The following CLECL1 variants were observed in gnomAD, a reference collection of about 807,000 sequenced individuals.
CLECL1 encodes C-type lectin-like domain family 1.
At chr12:9,732,970 C>A (rs750671734) in exon 1 of CLECL1, 2 of 1,605,772 alleles carry the variant, frequency 1.2e-6, no homozygotes, top group Admixed American at 1.7e-5. Flanking sequence ...AGTGGAAACG[C>A]GAGTTCTAAC....
intron 3 of CLECL1, among the ~76,000 whole-genome samples, chr12:9,724,179 T>A (rs1866347964): frequency 2.9e-5 from 3 of 102,394 alleles, no homozygotes; most frequent in Admixed American, 1.1e-4. Flanking sequence ...ACAAAGCAAC[T>A]CCATGAAAAA....
chr12:9,715,083 G>T (rs948675546), downstream of CLECL1, among the ~76,000 whole-genome samples: 2 of 152,184 alleles, frequency 1.3e-5, no homozygotes, highest in African/African-American at 4.8e-5. Context: ...TCATGCAGGA[G>T]GGGCTGACTT....
chr12:9,708,282 C>G, the CLECL1 span, among the ~76,000 whole-genome samples: 2 of 152,108 alleles, frequency 1.3e-5, no homozygotes, highest in Non-Finnish European at 2.9e-5. Context: ...ATTTTTGCCC[C>G]TTAAGCTATT....
chr12:9,733,522 C>T (rs1294211021), upstream of CLECL1, among the ~76,000 whole-genome samples: 3 of 152,162 alleles, frequency 2.0e-5, no homozygotes, highest in Non-Finnish European at 2.9e-5. Context: ...CTTTTATCCT[C>T]CTCTCTAAAT....
intron 1 of CLECL1, among the ~76,000 whole-genome samples, chr12:9,730,992 CAT>C (rs575911979): frequency 2.0e-5 from 3 of 152,160 alleles, no homozygotes; most frequent in Non-Finnish European, 4.4e-5. Context: ...GGCCACTACA[CAT>C]GTTACTAATA....
intron 3 of CLECL1, among the ~76,000 whole-genome samples, chr12:9,723,242 A>G (rs771673667): frequency 6.6e-6 from 1 of 152,196 alleles, no homozygotes; most frequent in Non-Finnish European, 1.5e-5. Flanking sequence ...AATTTGTGCT[A>G]TAGGCAGTCC....
chr12:9,706,592 T>G, the CLECL1 span, among the ~76,000 whole-genome samples: 2 of 152,372 alleles, frequency 1.3e-5, no homozygotes, highest in East Asian at 1.9e-4. Flanking sequence ...TGAAAGCCTT[T>G]TCTGCATTTA....
chr12:9,724,534 T>C (rs970520879), intron 3 of CLECL1, among the ~76,000 whole-genome samples: 1 of 152,088 alleles, frequency 6.6e-6, no homozygotes, highest in Non-Finnish European at 1.5e-5. Context: ...AAAAGCCAAA[T>C]GAAATTTAGA....
chr12:9,732,423 C>T (rs1197193713), intron 1 of CLECL1, among the ~76,000 whole-genome samples: 1 of 152,196 alleles, frequency 6.6e-6, no homozygotes, highest in African/African-American at 2.4e-5. Flanking sequence ...CTTATCGCCT[C>T]TGATTCCAGA....
the CLECL1 span, among the ~76,000 whole-genome samples, chr12:9,703,849 AC>A: frequency 6.6e-6 from 1 of 152,074 alleles, no homozygotes; most frequent in Non-Finnish European, 1.5e-5. Context: ...AGAAATAGTC[AC>A]CTTTTGTCAA....
chr12:9,732,989 C>T, exon 1 of CLECL1: 13 of 1,612,442 alleles, frequency 8.1e-6, no homozygotes, highest in South Asian at 2.2e-5. Context: ...ACGGGGAAGT[C>T]CGAACAGTTT....
upstream of CLECL1, among the ~76,000 whole-genome samples, chr12:9,733,755 A>G (rs1157663493): frequency 6.6e-6 from 1 of 152,234 alleles, no homozygotes; most frequent in Non-Finnish European, 1.5e-5. Flanking sequence ...TCAGAAATTT[A>G]CTATCGAATA....
chr12:9,719,378 T>C (rs183744664), downstream of CLECL1, among the ~76,000 whole-genome samples: 71 of 152,082 alleles, frequency 4.7e-4, 1 homozygote, highest in East Asian at 0.013. Context: ...TACAAAAAAT[T>C]AGCTGGGCGT....
the CLECL1 span, chr12:9,708,856 G>T: frequency 7.8e-6 from 2 of 257,182 alleles, no homozygotes; most frequent in South Asian, 5.4e-5. Context: ...GGACACCTCT[G>T]TTCCCTGTCT....
chr12:9,729,229 A>C (rs1866416549), intron 2 of CLECL1, among the ~76,000 whole-genome samples: 1 of 152,126 alleles, frequency 6.6e-6, no homozygotes, highest in African/African-American at 2.4e-5. Flanking sequence ...GATATGAATA[A>C]GCATACACAG....
chr12:9,733,712 A>G (rs1383718648), upstream of CLECL1, among the ~76,000 whole-genome samples: 1 of 151,962 alleles, frequency 6.6e-6, no homozygotes, highest in Non-Finnish European at 1.5e-5. Flanking sequence ...GTAATGACAT[A>G]AAAGAAAAAA....
downstream of CLECL1, chr12:9,718,616 AC>A (rs1330842114): frequency 1.9e-4 from 117 of 627,676 alleles, 2 homozygotes; most frequent in Non-Finnish European, 3.2e-4. Context: ...TGGAGACACA[AC>A]CTTTAAAGAT....
rs1323998959 is a variant in CLECL1, at chr12:9,716,718, T to C, written n.211A>G. The C allele has an allele frequency of 2.5e-6, 3 of 1,218,120 alleles. No individual in the cohort carries two copies. The South Asian group carries it at 3.9e-5, about 16-fold the overall frequency. The allele number at this position is 1,218,120 out of a possible 1,614,324, so 75.5% of individuals were successfully genotyped here. A position where few individuals can be genotyped will look rare whatever the true frequency, so the allele number is the denominator to read the frequency against. On this transcript the variant is annotated non_coding_transcript_exon_variant, in exon 3 of 3. Transcript: ENST00000540988. ...GACATATGGATGCCTGTAGCCTCTGTCTCCTCAGCACTGAAGTCTAGGAAC... is the reference window on the plus strand; with the variant it reads ...GACATATGGATGCCTGTAGCCTCTGCCTCCTCAGCACTGAAGTCTAGGAAC...
rs942659581 is a variant in CLECL1 at position 9,723,463 on chromosome 12, C to T, written n.263-650G>A. Among the ~76,000 whole-genome samples, 11 of 151,362 alleles carry T rather than the reference C, an allele frequency of 7.3e-5. 1 individual carries two copies. The highest frequency in any genetic ancestry group is 2.1e-4 in the South Asian group (1 of 4,758). On this transcript the variant is annotated intron_variant and non_coding_transcript_variant, in intron 3 of 3. Transcript: ENST00000621400. ...ACAGACACACACACACACACACGCA[C>T]GCACACACATGACCTGAAGCCATTG...
Sources: gnomAD v4.1 joint callset for allele counts (sites outside exome capture counted in the v4.1 genomes callset) on GRCh38, gnomAD v4.1.1 for gene constraint, MANE v1.5 for transcripts, NCBI Gene and HGNC (gene_info 2026-07-23, HGNC 2026-07-21) for gene names.